Variants in DLG2 observed in about 807,000 individuals in gnomAD.
The protein encoded by DLG2 is disks large homolog 2.
In DLG2, 45 loss-of-function variants were observed where a neutral mutation model predicts 132.5. That is an observed-to-expected ratio of 0.34 (90% confidence interval 0.27 to 0.44). The LOEUF is 0.44. DLG2 is among the 20% of genes least tolerant of loss of function. The pLI is 1.00. For missense variants in DLG2, 1,045 were observed against 1,196.9 expected, an observed-to-expected ratio of 0.87 and a Z score of 1.87; for synonymous variants, 424 against 419.6, an observed-to-expected ratio of 1.01 and a Z score of -0.13.
chr11:84,630,870 T>C (rs2099630361), intron 6 of DLG2, among the ~76,000 whole-genome samples: 1 of 152,118 alleles, frequency 6.6e-6, no homozygotes, highest in African/African-American at 2.4e-5. Flanking sequence ...TTTCCTAGCA[T>C]AGCATAGCAG....
intron 7 of DLG2, among the ~76,000 whole-genome samples, chr11:84,332,957 G>T (rs1460744171): frequency 6.6e-6 from 1 of 152,158 alleles, no homozygotes; most frequent in Non-Finnish European, 1.5e-5. Context: ...CTACAATACA[G>T]ACTCTTGTTG....
chr11:84,987,862 A>G (rs535071381), intron 6 of DLG2, among the ~76,000 whole-genome samples: 1 of 152,334 alleles, frequency 6.6e-6, no homozygotes, highest in African/African-American at 2.4e-5. Flanking sequence ...GGCTTATGCA[A>G]GGATTTCATG....
At chr11:83,569,383 G>A (rs193299120) in intron 19 of DLG2, among the ~76,000 whole-genome samples, 1 of 152,118 alleles carries the variant, frequency 6.6e-6, no homozygotes, top group Non-Finnish European at 1.5e-5. Context: ...TACAGATCAA[G>A]TATCAGAATA....
intron 6 of DLG2, among the ~76,000 whole-genome samples, chr11:84,539,737 C>T (rs2099363634): frequency 6.6e-6 from 1 of 152,106 alleles, no homozygotes; most frequent in South Asian, 2.1e-4. Context: ...AAAGAGGAGC[C>T]CACATTGCCA....
intron 18 of DLG2, among the ~76,000 whole-genome samples, chr11:83,739,761 G>GA (rs2092351914): frequency 6.6e-6 from 1 of 152,146 alleles, no homozygotes; most frequent in African/African-American, 2.4e-5. Context: ...AAGGTAGACA[G>GA]AAGGTAGCAG....
intron 6 of DLG2, among the ~76,000 whole-genome samples, chr11:84,811,574 T>C (rs2076561555): frequency 6.6e-6 from 1 of 152,126 alleles, no homozygotes; most frequent in South Asian, 2.1e-4. Flanking sequence ...ATTCCCCTAG[T>C]CTCATCATCT....
At chr11:85,031,069 G>A (rs1006422403) in intron 6 of DLG2, among the ~76,000 whole-genome samples, 2 of 151,776 alleles carry the variant, frequency 1.3e-5, no homozygotes. Context: ...AGTAATCTAT[G>A]ATTTCAGCTT....
intron 15 of DLG2, among the ~76,000 whole-genome samples, chr11:83,890,935 G>T (rs1304551517): frequency 6.6e-6 from 1 of 152,120 alleles, no homozygotes; most frequent in Non-Finnish European, 1.5e-5. Context: ...GGGGTGACTG[G>T]TCAGCAGTGG....
intron 7 of DLG2, among the ~76,000 whole-genome samples, chr11:84,379,550 A>T (rs1160330260): frequency 6.6e-6 from 1 of 152,126 alleles, no homozygotes; most frequent in East Asian, 1.9e-4. Flanking sequence ...GATGGAACAA[A>T]GTGATTCAAG....
At position 84,172,299 on chromosome 11, in the gene DLG2, C is replaced by T. The variant is rs534049138; in HGVS notation, c.574-8788G>A. On this transcript the variant is annotated intron_variant, in intron 8 of 27. Coordinates refer to ENST00000376104, the MANE Select transcript of DLG2 (RefSeq NM_001142699.3). ...CATTATTCCTTTCTTTAAATAAACG[C>T]TCACAAGCTATAAAAACAATCACTG... 5.3e-5 allele frequency among the ~76,000 whole-genome samples: 8 copies of T among 152,126 alleles called. No homozygotes were observed. In the South Asian group the frequency reaches 1.0e-3, roughly 20 times the overall value.
intron 17 of DLG2, chr11:83,790,586 G>A: frequency 7.6e-7 from 1 of 1,318,408 alleles, no homozygotes; most frequent in South Asian, 1.2e-5. Context: ...GGGCTTCTGT[G>A]CCAGTAAGTC....
At chr11:85,374,931 C>T (rs1386856214) in intron 3 of DLG2, among the ~76,000 whole-genome samples, 4 of 152,094 alleles carry the variant, frequency 2.6e-5, no homozygotes, top group South Asian at 2.1e-4. Context: ...TGAAATGTTA[C>T]GATACTTGCA....
intron 4 of DLG2, among the ~76,000 whole-genome samples, chr11:85,213,023 C>T (rs2152570306): frequency 6.6e-6 from 1 of 152,112 alleles, no homozygotes; most frequent in South Asian, 2.1e-4. Flanking sequence ...TATTTCTTTA[C>T]TGTCTGGATA....
chr11:85,291,630 G>T (rs978828546), intron 3 of DLG2, among the ~76,000 whole-genome samples: 4 of 137,230 alleles, frequency 2.9e-5, no homozygotes, highest in East Asian at 2.1e-4. Context: ...TGTCATCCAC[G>T]TTGGAATGCA....
intron 7 of DLG2, among the ~76,000 whole-genome samples, chr11:84,332,974 A>G (rs567047814): frequency 6.6e-6 from 1 of 152,330 alleles, no homozygotes; most frequent in Admixed American, 6.5e-5. Flanking sequence ...GTTGAGACCC[A>G]GTAGAATTCA....
At chr11:85,470,690 AG>A (rs57712841) in intron 3 of DLG2, among the ~76,000 whole-genome samples, 3,424 of 152,258 alleles carry the variant, frequency 0.022, 122 homozygotes, top group African/African-American at 0.077. Flanking sequence ...ATCATGCCAC[AG>A]CACTCCAGCC....
intron 21 of DLG2, among the ~76,000 whole-genome samples, chr11:83,498,149 T>G (rs1026303246): frequency 6.6e-6 from 1 of 152,142 alleles, no homozygotes; most frequent in Non-Finnish European, 1.5e-5. Flanking sequence ...TGAAGTGTTA[T>G]GGGCATAGAC....
chr11:84,651,939 T>G (rs2099682531), intron 6 of DLG2, among the ~76,000 whole-genome samples: 1 of 152,160 alleles, frequency 6.6e-6, no homozygotes, highest in South Asian at 2.1e-4. Flanking sequence ...TCAGAATTAT[T>G]GGAAGGCGGA....
chr11:85,484,772 A>T (rs1281289629), intron 3 of DLG2, among the ~76,000 whole-genome samples: 1 of 147,322 alleles, frequency 6.8e-6, no homozygotes, highest in Non-Finnish European at 1.5e-5. Context: ...AACTAGTTCA[A>T]CCATTGTGGA....
Sources: allele counts gnomAD v4.1 joint callset (sites outside exome capture counted in the v4.1 genomes callset), GRCh38; gene constraint gnomAD v4.1.1; transcripts MANE v1.5; gene names NCBI Gene and HGNC (gene_info 2026-07-23, HGNC 2026-07-21).